GRIN2A: variants seen among roughly 807,000 people sequenced by gnomAD.
The protein encoded by GRIN2A is glutamate receptor ionotropic, NMDA 2A.
A neutral mutation model predicts 113.4 loss-of-function variants in GRIN2A; 22 were observed. That is an observed-to-expected ratio of 0.19 (90% CI 0.14 to 0.28). The LOEUF (loss-of-function observed/expected upper bound fraction) is 0.28, where lower values mean the gene tolerates loss of function less well. GRIN2A is among the 10% of genes least tolerant of loss of function. The probability of loss-of-function intolerance (pLI) is 1.00; values close to 1 mark genes in which losing one functional copy is unlikely to be tolerated. For missense variants in GRIN2A, 1,502 were observed against 1,887.0 expected (o/e 0.80, Z 3.78); for synonymous variants, 827 against 738.4 (o/e 1.12, Z -1.94).
intron 4 of GRIN2A, among the ~76,000 whole-genome samples, chr16:9,855,755 G>A (rs2042956413): frequency 6.6e-6 from 1 of 152,170 alleles, no homozygotes; most frequent in Non-Finnish European, 1.5e-5. Context: ...TGCACCCAGG[G>A]TGAAAGGACA....
intron 2 of GRIN2A, among the ~76,000 whole-genome samples, chr16:10,105,055 G>T (rs564901358): frequency 6.6e-6 from 1 of 152,176 alleles, no homozygotes; most frequent in Admixed American, 6.5e-5. Context: ...CGAGATTAAA[G>T]CAGTGCCACT....
intron 3 of GRIN2A, among the ~76,000 whole-genome samples, chr16:9,937,218 T>C (rs990650366): frequency 3.3e-5 from 5 of 152,036 alleles, no homozygotes; most frequent in South Asian, 2.1e-4. Flanking sequence ...CATTTTTGTA[T>C]TGGGGGTTGG....
chr16:10,122,777 T>A lies in GRIN2A; in HGVS notation c.414+57221A>T, dbSNP rs546583896. 2.6e-5 allele frequency among the ~76,000 whole-genome samples: 4 copies of A among 152,200 alleles called. No homozygotes were observed. In the East Asian group the frequency reaches 7.7e-4, roughly 29 times the overall value. Reference sequence around the variant, plus strand: ...GGGAAATTGACGCACGATCAGCATATTCCTTCCCCAAAATGAGGCGACTCG... The same window carrying A: ...GGGAAATTGACGCACGATCAGCATAATCCTTCCCCAAAATGAGGCGACTCG... On this transcript the variant is annotated intron_variant, in intron 2 of 12. Transcript: ENST00000330684.
Position 9,763,290 on chromosome 16 carries a change from G to A in GRIN2A, c.4254C>T (p.Gly1418=). ...GCTCCGAAATATACACATCATTGTG[G>A]CCCCGACTGTCCCTGGAACAGTACG... is the stretch of plus-strand genomic sequence containing the variant. The part of the protein sequence containing the change: ...TASYCSRDSR[G]HNDVYISEHV... Residue 1418 remains glycine, a synonymous_variant, in exon 13 of 13, where the codon GGC becomes GGT. Transcript: ENST00000330684. 2 of 1,614,058 alleles carry A rather than the reference G, an allele frequency of 1.2e-6. No homozygotes were observed. Among genetic ancestry groups the A allele is most frequent in the Non-Finnish European group, 1.7e-6 (2 of 1,179,992 alleles).
chr16:9,799,769 C>T (rs1354718228), intron 10 of GRIN2A, among the ~76,000 whole-genome samples: 6 of 152,154 alleles, frequency 3.9e-5, no homozygotes, highest in Non-Finnish European at 8.8e-5. Flanking sequence ...CTTTTAAATT[C>T]TTTTTTGATA....
intron 11 of GRIN2A, among the ~76,000 whole-genome samples, chr16:9,794,430 G>A (rs868611398): frequency 7.9e-5 from 12 of 152,314 alleles, no homozygotes; most frequent in Middle Eastern, 3.4e-3. Context: ...CTCTTTACAC[G>A]TCTAATTTTA....
At chr16:10,110,413 G>A (rs2048590380) in intron 2 of GRIN2A, among the ~76,000 whole-genome samples, 1 of 152,150 alleles carries the variant, frequency 6.6e-6, no homozygotes. Context: ...TTTTTACCTG[G>A]GGAATGTCGT....
At chr16:9,773,415 C>T (rs1901402650) in intron 11 of GRIN2A, among the ~76,000 whole-genome samples, 1 of 152,164 alleles carries the variant, frequency 6.6e-6, no homozygotes, top group Admixed American at 6.5e-5. Context: ...ATTCTGCTGC[C>T]AGTTTCTCCT....
At chr16:10,160,404 C>A (rs916969463) in intron 2 of GRIN2A, among the ~76,000 whole-genome samples, 1 of 152,184 alleles carries the variant, frequency 6.6e-6, no homozygotes, top group Admixed American at 6.5e-5. Flanking sequence ...AAGTTCGTTT[C>A]TAGCTTCTAA....
intron 3 of GRIN2A, among the ~76,000 whole-genome samples, chr16:9,903,360 G>A (rs73502622): frequency 2.0e-5 from 3 of 152,148 alleles, no homozygotes; most frequent in African/African-American, 7.2e-5. Context: ...TCACACATTT[G>A]GTCCCACCAG....
At chr16:10,039,490 T>G (rs1163231048) in intron 2 of GRIN2A, among the ~76,000 whole-genome samples, 1 of 152,068 alleles carries the variant, frequency 6.6e-6, no homozygotes, top group Non-Finnish European at 1.5e-5. Flanking sequence ...GACGCTAAAC[T>G]CTAAGTCTTT....
intron 2 of GRIN2A, among the ~76,000 whole-genome samples, chr16:10,131,310 C>A (rs2049056699): frequency 6.6e-6 from 1 of 152,156 alleles, no homozygotes; most frequent in African/African-American, 2.4e-5. Flanking sequence ...CAGTCTCATG[C>A]CTGCAGGTCC....
intron 2 of GRIN2A, among the ~76,000 whole-genome samples, chr16:9,968,585 T>C (rs1459526875): frequency 1.3e-5 from 2 of 151,906 alleles, no homozygotes; most frequent in East Asian, 3.9e-4. Flanking sequence ...AGTGCTGGAA[T>C]TACAGGCATG....
At chr16:9,991,254 A>C (rs998347570) in intron 2 of GRIN2A, among the ~76,000 whole-genome samples, 37 of 152,282 alleles carry the variant, frequency 2.4e-4, no homozygotes, top group African/African-American at 8.2e-4. Context: ...TCCATTTGCA[A>C]AGAAGGGATC....
At position 9,898,006 on chromosome 16, in the gene GRIN2A, A is replaced by C. The variant is rs2141504500; in HGVS notation, c.1008-6906T>G. On this transcript the variant is annotated intron_variant, in intron 3 of 12. Transcript: ENST00000330684. ...AGAATAGGCTTTACAGTGAGACAGT[A>C]CCTGGCACCTTGGGCAGCGTATTTA... is the stretch of plus-strand genomic sequence containing the variant. 1.3e-5 allele frequency among the ~76,000 whole-genome samples: 2 copies of C among 149,314 alleles called. 1 individual carries two copies. The highest frequency in any genetic ancestry group is 4.0e-4 in the East Asian group (2 of 5,046).
intron 2 of GRIN2A, among the ~76,000 whole-genome samples, chr16:9,983,385 A>G (rs996269546): frequency 2.0e-5 from 3 of 151,704 alleles, no homozygotes; most frequent in Non-Finnish European, 4.4e-5. Flanking sequence ...TTCATTTAAC[A>G]TAGTGTCCTC....
chr16:10,009,168 A>T (rs755452625), intron 2 of GRIN2A, among the ~76,000 whole-genome samples: 5 of 152,262 alleles, frequency 3.3e-5, no homozygotes, highest in Non-Finnish European at 7.3e-5. Flanking sequence ...AGCCAAATAC[A>T]TACTCAGACA....
intron 2 of GRIN2A, among the ~76,000 whole-genome samples, chr16:10,067,904 T>G (rs1433954648): frequency 3.3e-5 from 5 of 152,224 alleles, no homozygotes; most frequent in Non-Finnish European, 7.3e-5. Context: ...CCAAATGTCA[T>G]GATGCCAAAG....
At chr16:9,935,642 C>A (rs534582942) in intron 3 of GRIN2A, among the ~76,000 whole-genome samples, 16 of 151,792 alleles carry the variant, frequency 1.1e-4, no homozygotes, top group African/African-American at 3.6e-4. Context: ...TTCAGAGTGA[C>A]ATAGTACCCT....
Sources: allele counts gnomAD v4.1 joint callset (sites outside exome capture counted in the v4.1 genomes callset), GRCh38; gene constraint gnomAD v4.1.1; transcripts MANE v1.5; gene names NCBI Gene and HGNC (gene_info 2026-07-23, HGNC 2026-07-21).